ULK4: variants seen among roughly 807,000 people sequenced by gnomAD.
The protein encoded by ULK4 is unc-51 like kinase 4, also known as inactive serine/threonine-protein kinase ULK4.
ULK4 carries 133 observed loss-of-function variants against 160.6 expected under a neutral mutation model. The observed-to-expected ratio is 0.83, with a 90% CI of 0.72 to 0.96. The LOEUF (loss-of-function observed/expected upper bound fraction) is 0.96, where lower values mean the gene tolerates loss of function less well. ULK4 is among the 40% of genes least tolerant of loss of function. The probability of loss-of-function intolerance (pLI) is 0.00; values close to 1 mark genes in which losing one functional copy is unlikely to be tolerated. For synonymous variants in ULK4, 534 were observed against 539.8 expected (o/e 0.99, Z 0.15); for missense variants, 1,580 against 1,499.5 (o/e 1.05, Z -0.89).
chr3:41,471,655 T>C (rs541708357), intron 32 of ULK4, among the ~76,000 whole-genome samples: 23 of 152,228 alleles, frequency 1.5e-4, no homozygotes, highest in African/African-American at 5.5e-4. Context: ...TAATAACAAG[T>C]ACCTTTACCA....
At chr3:41,313,861 G>T (rs1426323886) in intron 35 of ULK4, among the ~76,000 whole-genome samples, 2 of 152,174 alleles carry the variant, frequency 1.3e-5, no homozygotes, top group Non-Finnish European at 2.9e-5. Flanking sequence ...GATGTCTGAA[G>T]TCAAGTGACT....
At chr3:41,576,353 G>A (rs1309554333) in intron 31 of ULK4, among the ~76,000 whole-genome samples, 4 of 152,210 alleles carry the variant, frequency 2.6e-5, no homozygotes, top group East Asian at 1.9e-4. Context: ...GCCACCAAGT[G>A]TAGAGAAACT....
intron 35 of ULK4, among the ~76,000 whole-genome samples, chr3:41,347,154 G>C (rs17056051): frequency 0.23 from 35,071 of 152,034 alleles, 4,164 homozygotes; most frequent in African/African-American, 0.26. Flanking sequence ...AAGTGCCGTC[G>C]CTGCAGCTCT....
chr3:41,358,324 C>A (rs1198160017), intron 35 of ULK4, among the ~76,000 whole-genome samples: 1 of 152,146 alleles, frequency 6.6e-6, no homozygotes, highest in Admixed American at 6.5e-5. Context: ...AATTCATTAT[C>A]TATGTAGTGC....
At chr3:41,262,876 CAACT>C (rs755574671) in intron 35 of ULK4, among the ~76,000 whole-genome samples, 8 of 151,318 alleles carry the variant, frequency 5.3e-5, no homozygotes, top group African/African-American at 9.8e-5. Flanking sequence ...AGGCCTGATC[CAACT>C]AACTAACTAC....
chr3:41,849,287 T>C (rs1028957940), intron 17 of ULK4, among the ~76,000 whole-genome samples: 1 of 152,222 alleles, frequency 6.6e-6, no homozygotes, highest in Admixed American at 6.5e-5. Context: ...CAGTAAACTA[T>C]TGCATCCATA....
chr3:41,267,095 T>C (rs935110464), intron 35 of ULK4, among the ~76,000 whole-genome samples: 17 of 151,346 alleles, frequency 1.1e-4, no homozygotes, highest in African/African-American at 4.1e-4. Context: ...GCAGGTTGGT[T>C]ACATAGGTAT....
At chr3:41,899,014 T>C (rs1698261743) in intron 13 of ULK4, 1 of 153,514 alleles carries the variant, frequency 6.5e-6, no homozygotes, top group Admixed American at 6.5e-5. Context: ...AATAGTAGTT[T>C]AGAGAATACA....
chr3:41,516,470 T>C (rs1370966321), intron 32 of ULK4, among the ~76,000 whole-genome samples: 2 of 152,082 alleles, frequency 1.3e-5, no homozygotes, highest in East Asian at 3.9e-4. Context: ...GTATCCACTA[T>C]AGTACTCCAC....
At chr3:41,659,274 C>G (rs1411510526) in intron 30 of ULK4, among the ~76,000 whole-genome samples, 1 of 152,150 alleles carries the variant, frequency 6.6e-6, no homozygotes, top group Non-Finnish European at 1.5e-5. Flanking sequence ...TAGGAATATT[C>G]ATGGCTGCAC....
intron 25 of ULK4, among the ~76,000 whole-genome samples, chr3:41,706,083 C>T (rs1353851895): frequency 6.6e-6 from 1 of 151,970 alleles, no homozygotes; most frequent in East Asian, 1.9e-4. Context: ...TTCCAACCCC[C>T]TTATCTGCGC....
At chr3:41,412,110 C>G (rs528749169) in intron 34 of ULK4, among the ~76,000 whole-genome samples, 10 of 151,930 alleles carry the variant, frequency 6.6e-5, no homozygotes, top group Non-Finnish European at 1.5e-4. Context: ...TTGCAGGATT[C>G]AAGGAAAAAA....
At chr3:41,736,983 G>A (rs989117099) in intron 22 of ULK4, among the ~76,000 whole-genome samples, 4 of 151,862 alleles carry the variant, frequency 2.6e-5, no homozygotes, top group Admixed American at 6.6e-5. Context: ...TGTCAGGTTT[G>A]TCAAAGATCA....
At chr3:41,729,918 A>G (rs2037769201) in intron 22 of ULK4, among the ~76,000 whole-genome samples, 1 of 152,256 alleles carries the variant, frequency 6.6e-6, no homozygotes, top group Non-Finnish European at 1.5e-5. Context: ...AACCAATGTC[A>G]TAGGACAGAT....
At chr3:41,779,879 A>C (rs1419486473) in intron 21 of ULK4, among the ~76,000 whole-genome samples, 2 of 92,578 alleles carry the variant, frequency 2.2e-5, no homozygotes, top group African/African-American at 8.9e-5. Flanking sequence ...AGATATACCT[A>C]ATGCTAGATG....
rs540375996 is a variant in ULK4 at position 41,655,993 on chromosome 3, T to C, written c.3071+7614A>G. Among the ~76,000 whole-genome samples the C allele has an allele frequency of 4.0e-4, 61 of 152,304 alleles. 1 individual carries two copies. Among genetic ancestry groups the C allele is most frequent in the African/African-American group, 1.3e-3 (56 of 41,568 alleles). Reference sequence around the variant, plus strand: ...TGTGACTGGGGTATCCCTTAATGGCTTGCACAACCGCTTTCCAAAGTCAAT... The same window carrying C: ...TGTGACTGGGGTATCCCTTAATGGCCTGCACAACCGCTTTCCAAAGTCAAT... On this transcript the variant is annotated intron_variant, in intron 30 of 36. Transcript: ENST00000301831.
chr3:41,741,384 T>C (rs1038359389), intron 22 of ULK4, among the ~76,000 whole-genome samples: 2 of 151,972 alleles, frequency 1.3e-5, no homozygotes, highest in African/African-American at 2.4e-5. Context: ...TTGCCTTTTT[T>C]CACTTATCTA....
At chr3:41,338,026 T>C (rs880603) in intron 35 of ULK4, among the ~76,000 whole-genome samples, 41,573 of 152,204 alleles carry the variant, frequency 0.27, 5,895 homozygotes, top group Middle Eastern at 0.37. Context: ...TTTTCTCAAA[T>C]GGAACAAAGC....
intron 34 of ULK4, among the ~76,000 whole-genome samples, chr3:41,435,644 A>AC (rs1411900666): frequency 2.0e-5 from 3 of 152,168 alleles, no homozygotes; most frequent in Non-Finnish European, 4.4e-5. Flanking sequence ...CATGTAACCA[A>AC]CTACCTTAAG....
Sources: allele counts gnomAD v4.1 joint callset (sites outside exome capture counted in the v4.1 genomes callset), GRCh38; gene constraint gnomAD v4.1.1; transcripts MANE v1.5; gene names NCBI Gene and HGNC (gene_info 2026-07-23, HGNC 2026-07-21).